Variants in SKAP2 observed in about 807,000 individuals in gnomAD.
SKAP2 encodes the protein src kinase associated phosphoprotein 2.
In SKAP2, 28 loss-of-function variants were observed where a neutral mutation model predicts 54.9. That is an observed-to-expected ratio of 0.51 (90% confidence interval 0.38 to 0.70). The LOEUF (loss-of-function observed/expected upper bound fraction) is 0.70. Ranked by LOEUF, SKAP2 falls within the 30% of genes least tolerant of loss-of-function variation. The pLI, the probability that SKAP2 is intolerant of heterozygous loss-of-function variation, is 0.00. For missense variants in SKAP2, 356 were observed against 424.1 expected (o/e 0.84, Z 1.41); for synonymous variants, 137 against 134.3 (o/e 1.02, Z -0.14).
At chr7:26,717,612 G>A (rs1181498519) in intron 9 of SKAP2, among the ~76,000 whole-genome samples, 2 of 146,002 alleles carry the variant, frequency 1.4e-5, no homozygotes, top group South Asian at 4.3e-4. Flanking sequence ...AATCACCTGA[G>A]GTCAAAAGTT....
At chr7:26,761,926 G>C (rs1371411401) in intron 4 of SKAP2, among the ~76,000 whole-genome samples, 3 of 152,036 alleles carry the variant, frequency 2.0e-5, no homozygotes, top group African/African-American at 7.2e-5. Context: ...ATAATAGGGT[G>C]ACCTTTCCAT....
the SKAP2 span, among the ~76,000 whole-genome samples, chr7:26,655,750 A>G: frequency 2.6e-5 from 4 of 152,230 alleles, no homozygotes; most frequent in South Asian, 2.1e-4. Context: ...TAAAACGTAG[A>G]GCATGGATAT....
At chr7:26,695,728 G>C (rs576008446) in intron 9 of SKAP2, among the ~76,000 whole-genome samples, 1 of 152,268 alleles carries the variant, frequency 6.6e-6, no homozygotes, top group Admixed American at 6.5e-5. Context: ...TGCTGATTTA[G>C]AAACAATTGC....
chr7:26,681,761 A>G (rs1786506594), intron 11 of SKAP2, among the ~76,000 whole-genome samples: 1 of 152,212 alleles, frequency 6.6e-6, no homozygotes, highest in South Asian at 2.1e-4. Flanking sequence ...CAAAGTACAC[A>G]TTTCCTGTAT....
intron 11 of SKAP2, among the ~76,000 whole-genome samples, chr7:26,671,363 T>G (rs1786233358): frequency 6.6e-6 from 1 of 152,006 alleles, no homozygotes; most frequent in East Asian, 1.9e-4. Context: ...GTATATTGAG[T>G]TATATGTGGG....
intron 4 of SKAP2, among the ~76,000 whole-genome samples, chr7:26,785,176 G>A (rs1783515384): frequency 6.6e-6 from 1 of 151,824 alleles, no homozygotes; most frequent in African/African-American, 2.4e-5. Context: ...AGGATCCTGT[G>A]AGGAAACAGA....
At chr7:26,731,363 T>G (rs1787821725) in intron 6 of SKAP2, among the ~76,000 whole-genome samples, 1 of 152,172 alleles carries the variant, frequency 6.6e-6, no homozygotes, top group African/African-American at 2.4e-5. Context: ...TATTTTGCAT[T>G]TCGTCCTACA....
intron 4 of SKAP2, among the ~76,000 whole-genome samples, chr7:26,797,310 C>T (rs1300737879): frequency 1.3e-5 from 2 of 152,188 alleles, no homozygotes; most frequent in African/African-American, 2.4e-5. Flanking sequence ...GTGGCCGCCA[C>T]GGGGGTGCCT....
chr7:26,730,935 A>G (rs1048419402), intron 6 of SKAP2, among the ~76,000 whole-genome samples: 1 of 152,194 alleles, frequency 6.6e-6, no homozygotes, highest in African/African-American at 2.4e-5. Flanking sequence ...TTAATAGAAC[A>G]TATCTCATAT....
At chr7:26,830,428 TA>T (rs914687871) in intron 4 of SKAP2, among the ~76,000 whole-genome samples, 2 of 151,200 alleles carry the variant, frequency 1.3e-5, no homozygotes, top group Non-Finnish European at 3.0e-5. Flanking sequence ...ATAAAGTGAG[TA>T]AAAAAAAATA....
chr7:26,706,374 T>C (rs566130782), intron 9 of SKAP2, among the ~76,000 whole-genome samples: 1 of 152,324 alleles, frequency 6.6e-6, no homozygotes, highest in African/African-American at 2.4e-5. Context: ...ATAATATCTA[T>C]GTTTTTTTTA....
intron 4 of SKAP2, among the ~76,000 whole-genome samples, chr7:26,747,775 TC>T (rs1222136329): frequency 1.3e-5 from 2 of 151,438 alleles, no homozygotes; most frequent in African/African-American, 4.9e-5. Flanking sequence ...ACCTTCCTTT[TC>T]CCCCTCTTCC....
chr7:26,823,849 G>T (rs1049462064), intron 4 of SKAP2, among the ~76,000 whole-genome samples: 1 of 152,220 alleles, frequency 6.6e-6, no homozygotes, highest in Non-Finnish European at 1.5e-5. Flanking sequence ...GATAAAACTT[G>T]AAGGGATGAG....
rs879675192 is a variant in SKAP2, at chr7:26,668,559, T to G, written c.*1107A>C. 3 of 152,042 alleles carry G rather than the reference T, an allele frequency of 2.0e-5. No homozygotes were observed. Among genetic ancestry groups the G allele is most frequent in the Non-Finnish European group, 4.4e-5 (3 of 68,022 alleles). 9.4% of individuals were successfully genotyped at this position (152,042 alleles called of 1,614,324 possible). On this transcript the variant is annotated 3_prime_UTR_variant, in exon 13 of 13. Coordinates refer to ENST00000345317, the MANE Select transcript of SKAP2 (RefSeq NM_003930.5). Reference sequence around the variant, plus strand: ...GCTCTGAGAAGTATATAGAAAAGCCTCAAATCTGCTGTTCTGCAGTGGGAT... The same window carrying G: ...GCTCTGAGAAGTATATAGAAAAGCCGCAAATCTGCTGTTCTGCAGTGGGAT...
intron 11 of SKAP2, among the ~76,000 whole-genome samples, chr7:26,680,633 G>A (rs1283245548): frequency 2.0e-5 from 3 of 152,118 alleles, no homozygotes; most frequent in African/African-American, 7.2e-5. Context: ...AATCTCCACT[G>A]AACTACTGAA....
At chr7:26,724,179 T>G (rs1450277622) in intron 9 of SKAP2, among the ~76,000 whole-genome samples, 1 of 152,184 alleles carries the variant, frequency 6.6e-6, no homozygotes, top group Non-Finnish European at 1.5e-5. Context: ...TATAATATTG[T>G]TAAAATTATT....
intron 4 of SKAP2, among the ~76,000 whole-genome samples, chr7:26,819,402 C>G (rs866450372): frequency 2.6e-5 from 4 of 151,970 alleles, no homozygotes; most frequent in Non-Finnish European, 4.4e-5. Context: ...GAACATCACA[C>G]ACCTGCACCT....
chr7:26,835,300 C>T (rs1784684402), intron 4 of SKAP2, among the ~76,000 whole-genome samples: 1 of 152,016 alleles, frequency 6.6e-6, no homozygotes, highest in South Asian at 2.1e-4. Flanking sequence ...ACAAGGATGC[C>T]CTCTCTCACC....
chr7:26,772,253 G>A (rs1783204247), intron 4 of SKAP2, among the ~76,000 whole-genome samples: 1 of 152,094 alleles, frequency 6.6e-6, no homozygotes, highest in Non-Finnish European at 1.5e-5. Flanking sequence ...TTTAGGTTCG[G>A]GGGTACATGT....
Sources: allele counts gnomAD v4.1 joint callset (sites outside exome capture counted in the v4.1 genomes callset), GRCh38; gene constraint gnomAD v4.1.1; transcripts MANE v1.5; gene names NCBI Gene and HGNC (gene_info 2026-07-23, HGNC 2026-07-21).